The following TOX variants were observed in gnomAD, a reference collection of about 807,000 sequenced individuals.
The protein encoded by TOX is thymocyte selection associated high mobility group box.
TOX carries 11 observed loss-of-function variants against 53.7 expected under a neutral mutation model. The ratio of observed to expected loss-of-function variants is 0.20; its 90% CI spans 0.13 to 0.34. The LOEUF (loss-of-function observed/expected upper bound fraction) is 0.34. Among genes scored for constraint, TOX ranks in the 10% least tolerant of loss-of-function variants. TOX has a pLI of 1.00. For synonymous variants in TOX, 225 were observed against 245.3 expected, an observed-to-expected ratio of 0.92 and a Z score of 0.77; for missense variants, 570 against 664.6, an observed-to-expected ratio of 0.86 and a Z score of 1.56.
intron 4 of TOX, among the ~76,000 whole-genome samples, chr8:58,843,001 T>C (rs1425959872): frequency 6.6e-6 from 1 of 152,210 alleles, no homozygotes. Flanking sequence ...TTATGCATTA[T>C]AGAGTGTAAC....
chr8:59,064,111 G>A (rs1257407309), intron 1 of TOX, among the ~76,000 whole-genome samples: 1 of 152,078 alleles, frequency 6.6e-6, no homozygotes, highest in Non-Finnish European at 1.5e-5. Flanking sequence ...GTAGAAAGGA[G>A]CCAGATATTA....
rs563748784 is a variant in TOX, at chr8:58,893,326, G to A, written c.412-41521C>T. On this transcript the variant is annotated intron_variant, in intron 3 of 8. Transcript: ENST00000361421. Reference sequence around the variant, plus strand: ...AAGATAATATTTCTTTCTTTTCTCCGAAGACATTGTTTATCTTTATATAAT... The same window carrying A: ...AAGATAATATTTCTTTCTTTTCTCCAAAGACATTGTTTATCTTTATATAAT... Among the ~76,000 whole-genome samples, 86 of 152,034 alleles carry A rather than the reference G, an allele frequency of 5.7e-4. 1 individual carries two copies. The highest frequency in any genetic ancestry group is 2.9e-3 in the East Asian group (15 of 5,164).
At chr8:58,902,819 G>A (rs1013629985) in intron 3 of TOX, among the ~76,000 whole-genome samples, 4 of 152,126 alleles carry the variant, frequency 2.6e-5, no homozygotes, top group African/African-American at 9.7e-5. Context: ...TATCCTTTGT[G>A]AGCGTTTGAA....
intron 3 of TOX, among the ~76,000 whole-genome samples, chr8:58,881,628 G>T (rs922478685): frequency 7.3e-4 from 110 of 150,216 alleles, no homozygotes; most frequent in African/African-American, 2.6e-3. Flanking sequence ...GGAGGCTGAG[G>T]CACGAGAATC....
intron 4 of TOX, among the ~76,000 whole-genome samples, chr8:58,843,835 CAT>C (rs1810681718): frequency 6.6e-6 from 1 of 152,192 alleles, no homozygotes; most frequent in African/African-American, 2.4e-5. Context: ...AGCTTCATCA[CAT>C]GTGTGAAAAA....
At chr8:58,888,232 T>C (rs1811504588) in intron 3 of TOX, among the ~76,000 whole-genome samples, 1 of 152,098 alleles carries the variant, frequency 6.6e-6, no homozygotes, top group African/African-American at 2.4e-5. Context: ...AAGGCCACAT[T>C]TCATTTTCCT....
intron 1 of TOX, among the ~76,000 whole-genome samples, chr8:59,094,666 G>C (rs2129424027): frequency 6.6e-6 from 1 of 152,206 alleles, no homozygotes; most frequent in African/African-American, 2.4e-5. Context: ...ATGTAAAGCA[G>C]TAATTGTCCT....
intron 1 of TOX, among the ~76,000 whole-genome samples, chr8:59,005,007 T>C (rs1200959222): frequency 1.3e-5 from 2 of 151,426 alleles, no homozygotes; most frequent in African/African-American, 4.9e-5. Context: ...TATTCAGAAA[T>C]TTATTTTATG....
intron 3 of TOX, among the ~76,000 whole-genome samples, chr8:58,863,759 G>A (rs1248908798): frequency 6.6e-6 from 1 of 151,406 alleles, no homozygotes; most frequent in Non-Finnish European, 1.5e-5. Context: ...CACTTACTCT[G>A]TGCCTCGCAC....
chr8:58,846,451 T>C (rs1465524472), intron 4 of TOX, among the ~76,000 whole-genome samples: 1 of 152,126 alleles, frequency 6.6e-6, no homozygotes, highest in East Asian at 1.9e-4. Context: ...TTGATTTCAC[T>C]TAATATTTGT....
chr8:58,868,133 G>A (rs533439546), intron 3 of TOX, among the ~76,000 whole-genome samples: 1 of 152,212 alleles, frequency 6.6e-6, no homozygotes, highest in East Asian at 1.9e-4. Context: ...GTTTTATAAA[G>A]GGCAGTTCCT....
chr8:58,830,658 T>C (rs1810438544), intron 5 of TOX, among the ~76,000 whole-genome samples: 1 of 152,184 alleles, frequency 6.6e-6, no homozygotes, highest in Non-Finnish European at 1.5e-5. Flanking sequence ...TAATTCCTTC[T>C]TCCTTCCTTC....
At chr8:59,064,065 T>C (rs1563434721) in intron 1 of TOX, among the ~76,000 whole-genome samples, 1 of 152,146 alleles carries the variant, frequency 6.6e-6, no homozygotes, top group Non-Finnish European at 1.5e-5. Context: ...ACTGGGATTA[T>C]TGAAGTGCTT....
chr8:58,808,722 A>G (rs1239799486), intron 7 of TOX, among the ~76,000 whole-genome samples: 4 of 152,218 alleles, frequency 2.6e-5, no homozygotes, highest in African/African-American at 9.6e-5. Flanking sequence ...ACACCTATTC[A>G]CATATTGTTC....
intron 2 of TOX, among the ~76,000 whole-genome samples, chr8:58,948,012 C>T (rs1812552715): frequency 6.6e-6 from 1 of 152,206 alleles, no homozygotes; most frequent in South Asian, 2.1e-4. Flanking sequence ...CAATGCAGGC[C>T]TCTTCTGGAA....
intron 3 of TOX, among the ~76,000 whole-genome samples, chr8:58,883,156 T>A (rs535008244): frequency 1.2e-4 from 19 of 152,238 alleles, no homozygotes; most frequent in South Asian, 8.3e-4. Context: ...AGACTCTGGG[T>A]TTACAATGAC....
At chr8:58,809,426 A>G (rs959206586) in intron 7 of TOX, among the ~76,000 whole-genome samples, 11 of 152,224 alleles carry the variant, frequency 7.2e-5, no homozygotes, top group African/African-American at 2.7e-4. Flanking sequence ...GGCACCTATT[A>G]CCAAATATTC....
At chr8:59,075,102 C>T (rs1804268662) in intron 1 of TOX, among the ~76,000 whole-genome samples, 1 of 152,070 alleles carries the variant, frequency 6.6e-6, no homozygotes, top group Admixed American at 6.6e-5. Flanking sequence ...GAAAACGGTG[C>T]CCTCAAAGGA....
chr8:58,936,414 G>GC (rs940369881), intron 3 of TOX, among the ~76,000 whole-genome samples: 1 of 152,038 alleles, frequency 6.6e-6, no homozygotes, highest in African/African-American at 2.4e-5. Flanking sequence ...GTCTCTAATT[G>GC]CCCCATGTTT....
Sources: allele counts gnomAD v4.1 joint callset (sites outside exome capture counted in the v4.1 genomes callset), GRCh38; gene constraint gnomAD v4.1.1; transcripts MANE v1.5; gene names NCBI Gene and HGNC (gene_info 2026-07-23, HGNC 2026-07-21).